The following ADAM21 variants were observed in gnomAD, a reference collection of about 807,000 sequenced individuals.
ADAM21 encodes ADAM metallopeptidase domain 21, also known as disintegrin and metalloproteinase domain-containing protein 21.
For synonymous variants in ADAM21, 262 were observed against 306.0 expected, an observed-to-expected ratio of 0.86 and a Z score of 1.50; for missense variants, 678 against 874.4, an observed-to-expected ratio of 0.78 and a Z score of 2.83.
chr14:70,456,971 G>C (rs547763984), intron 1 of ADAM21, among the ~76,000 whole-genome samples: 1 of 152,286 alleles, frequency 6.6e-6, no homozygotes, highest in Non-Finnish European at 1.5e-5. Context: ...CTCCAGTTTT[G>C]ATAGTCAAAG....
chr14:70,452,688 A>T (rs1192228989), intron 1 of ADAM21, among the ~76,000 whole-genome samples: 1 of 152,282 alleles, frequency 6.6e-6, no homozygotes, highest in East Asian at 1.9e-4. Context: ...TAAAGATATG[A>T]GTGACTTGAG....
Position 70,457,434 on chromosome 14 carries a change from C to A in ADAM21, c.-66C>A, listed in dbSNP as rs1882431524. 4 of 1,600,042 alleles carry A rather than the reference C, an allele frequency of 2.5e-6. No individual in the cohort carries two copies. The South Asian group carries it at 4.5e-5, about 18-fold the overall frequency. ...GAGCAGCTTAGAGGGAGAAGCCAGACCAGCAGTGCCTCACACCTTGTCCTC... is the reference window on the plus strand; with the variant it reads ...GAGCAGCTTAGAGGGAGAAGCCAGAACAGCAGTGCCTCACACCTTGTCCTC... On this transcript the variant is annotated 5_prime_UTR_variant, in exon 2 of 2. Coordinates refer to ENST00000603540, the MANE Select transcript of ADAM21 (RefSeq NM_003813.4).
At position 70,458,208 on chromosome 14, in the gene ADAM21, C is replaced by T. The variant is rs1395146900; in HGVS notation, c.709C>T (p.Leu237Phe). The change falls in exon 2 of 2, where the codon CTT (leucine) becomes TTT (phenylalanine). Residue 237 changes from leucine to phenylalanine, a missense_variant. Coordinates refer to ENST00000603540, the MANE Select transcript of ADAM21 (RefSeq NM_003813.4). ...NISKVQEDVF[L>F]VVNIVDSMYK... ...CTCAAAGGTGCAAGAGGATGTATTT[C>T]TTGTTGTCAACATAGTGGATTCCAT... 6.2e-7 allele frequency: 1 copy of T among 1,613,892 alleles called. No individual in the cohort carries two copies. Among genetic ancestry groups the T allele is most frequent in the Non-Finnish European group, 8.5e-7 (1 of 1,179,984 alleles).
chr14:70,458,783 T>C lies in ADAM21; in HGVS notation c.1284T>C (p.Cys428=), dbSNP rs755423706. ...EQCDCGSVQQ[C]EQDACCLLNC... ...GTGACTGTGGATCCGTACAGCAGTG[T>C]GAACAAGACGCCTGTTGTCTGTTGA... The change falls in exon 2 of 2, where the codon TGT becomes TGC. Residue 428 remains cysteine, a synonymous_variant. Transcript: ENST00000603540. 9.9e-6 allele frequency: 16 copies of C among 1,614,192 alleles called. No individual in the cohort carries two copies. The highest frequency in any genetic ancestry group is 2.2e-5 in the East Asian group (1 of 44,884).
chr14:70,458,428 C>A lies in ADAM21; in HGVS notation c.929C>A (p.Ala310Asp). 6.2e-7 allele frequency: 1 copy of A among 1,614,120 alleles called. No homozygotes were observed. Among genetic ancestry groups the A allele is most frequent in the South Asian group, 1.1e-5 (1 of 91,078 alleles). Reference sequence around the variant, plus strand: ...TCACTTATAAGTATACTTGGCCTAGCCTATGTTGCAGGAATATGTCGTCCA... The same window carrying A: ...TCACTTATAAGTATACTTGGCCTAGACTATGTTGCAGGAATATGTCGTCCA... ...KNSLISILGL[A>D]YVAGICRPPI... Residue 310 changes from alanine to aspartate, a missense_variant, in exon 2 of 2, where the codon GCC becomes GAC. Transcript: ENST00000603540.
intron 1 of ADAM21, 36 bp downstream of exon 1, chr14:70,452,299 T>C (rs11622815): frequency 0.054 from 8,211 of 152,298 alleles, 281 homozygotes; most frequent in Middle Eastern, 0.11. Context: ...TATGCATAAT[T>C]TGGTATCCAG....
intron 1 of ADAM21, among the ~76,000 whole-genome samples, chr14:70,455,233 C>T (rs1371455842): frequency 6.6e-6 from 1 of 152,110 alleles, no homozygotes; most frequent in East Asian, 1.9e-4. Flanking sequence ...GATTCAAAAT[C>T]CAGGAGATGA....
At chr14:70,455,948 T>C (rs952615821) in intron 1 of ADAM21, among the ~76,000 whole-genome samples, 6 of 152,200 alleles carry the variant, frequency 3.9e-5, no homozygotes, top group East Asian at 1.9e-4. Context: ...ATAAAGTCCA[T>C]TGCTGAGCCC....
chr14:70,456,914 C>A (rs1431118801), intron 1 of ADAM21, among the ~76,000 whole-genome samples: 1 of 152,130 alleles, frequency 6.6e-6, no homozygotes, highest in Non-Finnish European at 1.5e-5. Flanking sequence ...TAAAGTATAT[C>A]ATAAGACTGA....
rs1400518378 is a variant in ADAM21 at position 70,458,322 on chromosome 14, G to A, written c.823G>A (p.Val275Ile). The change falls in exon 2 of 2, where the codon GTC (valine) becomes ATC (isoleucine). Residue 275 changes from valine to isoleucine, a missense_variant. Physicochemically the swap from Val to Ile is conservative, Grantham distance 29. Coordinates refer to ENST00000603540, the MANE Select transcript of ADAM21 (RefSeq NM_003813.4). ...TTTCCCAATGACAAGCATAGAACAG[G>A]TCCTGAACGATTTCTCTCAATGGAA... ...NVFPMTSIEQ[V>I]LNDFSQWKQI... The A allele has an allele frequency of 1.2e-6, 2 of 1,613,930 alleles. No individual in the cohort carries two copies. The highest frequency in any genetic ancestry group is 1.7e-6 in the Non-Finnish European group (2 of 1,180,040).
chr14:70,459,745 G>A lies in ADAM21; in HGVS notation c.*77G>A. The A allele has an allele frequency of 1.3e-6, 2 of 1,510,792 alleles. No homozygotes were observed. The highest frequency in any genetic ancestry group is 8.9e-7 in the Non-Finnish European group (1 of 1,118,646). The allele number at this position is 1,510,792 out of a possible 1,614,324, so 93.6% of individuals were successfully genotyped here. A position where few individuals can be genotyped will look rare whatever the true frequency, so the allele number is the denominator to read the frequency against. ...GCAGTAGAAACATTAGTACATCCCT[G>A]AAACTGAGCACATTTCTGACCATTT... On this transcript the variant is annotated 3_prime_UTR_variant, in exon 2 of 2. Transcript: ENST00000603540.
At chr14:70,457,220 C>T in intron 1 of ADAM21, 129 bp from the exon 2 acceptor site, 1 of 374,314 alleles carries the variant, frequency 2.7e-6, no homozygotes, top group Non-Finnish European at 4.9e-6. Flanking sequence ...AATCCCCACC[C>T]TCATTTACTA....
chr14:70,452,661 C>T (rs531154639), intron 1 of ADAM21, among the ~76,000 whole-genome samples: 9 of 152,292 alleles, frequency 5.9e-5, no homozygotes, highest in Non-Finnish European at 1.0e-4. Context: ...CCACCGCGCC[C>T]GGCGTGTTTT....
rs141927799 is a variant in ADAM21 at position 70,458,385 on chromosome 14, C to T, written c.886C>T (p.His296Tyr). Residue 296 changes from histidine to tyrosine, a missense_variant, in exon 2 of 2, where the codon CAT becomes TAT. His to Tyr is a moderately conservative substitution (Grantham distance 83, BLOSUM62 2). Transcript: ENST00000603540. Reference protein sequence around the residue: ...SLSQLQHDAAHMFIKNSLISI... With the variant: ...SLSQLQHDAAYMFIKNSLISI... ...TTCCCAGCTACAGCATGATGCTGCA[C>T]ATATGTTCATAAAAAATTCACTTAT... 1,564 of 1,614,190 alleles carry T rather than the reference C, an allele frequency of 9.7e-4. 19 individuals carry two copies. In the East Asian group the frequency reaches 0.017, roughly 18 times the overall value.
Position 70,457,395 on chromosome 14 carries a change from C to T in ADAM21, c.-105C>T. The T allele has an allele frequency of 6.5e-7, 1 of 1,548,900 alleles. No individual in the cohort carries two copies. The highest frequency in any genetic ancestry group is 8.8e-7 in the Non-Finnish European group (1 of 1,134,486). On this transcript the variant is annotated 5_prime_UTR_variant, in exon 2 of 2. Coordinates refer to ENST00000603540, the MANE Select transcript of ADAM21 (RefSeq NM_003813.4). Reference sequence around the variant, plus strand: ...CTGCCAGGACACAGATCCACAGGGTCAGCCCTGCATCCTGAGCAGCTTAGA... The same window carrying T: ...CTGCCAGGACACAGATCCACAGGGTTAGCCCTGCATCCTGAGCAGCTTAGA...
Position 70,458,960 on chromosome 14 carries a change from T to C in ADAM21, c.1461T>C (p.Asp487=), listed in dbSNP as rs771006647. The change falls in exon 2 of 2, where the codon GAT becomes GAC. Residue 487 remains aspartate (D), a synonymous_variant. Coordinates refer to ENST00000603540, the MANE Select transcript of ADAM21 (RefSeq NM_003813.4). ...CNGTSHQCPE[D]RYVQDGIPCS... ...GAACATCTCATCAGTGTCCAGAAGATAGATATGTGCAGGACGGGATCCCCT... is the reference window on the plus strand; with the variant it reads ...GAACATCTCATCAGTGTCCAGAAGACAGATATGTGCAGGACGGGATCCCCT... The C allele has an allele frequency of 3.7e-6, 6 of 1,614,018 alleles. No individual in the cohort carries two copies. Among genetic ancestry groups the C allele is most frequent in the South Asian group, 2.2e-5 (2 of 91,076 alleles).
At chr14:70,452,559 G>A (rs1327165273) in intron 1 of ADAM21, among the ~76,000 whole-genome samples, 2 of 152,090 alleles carry the variant, frequency 1.3e-5, no homozygotes, top group Non-Finnish European at 2.9e-5. Context: ...GTAGAAACGG[G>A]GTTTCACCAT....
intron 1 of ADAM21, among the ~76,000 whole-genome samples, chr14:70,455,898 A>G (rs1882393924): frequency 2.6e-5 from 4 of 152,186 alleles, no homozygotes. Flanking sequence ...TTTTTCTTGT[A>G]TAGTGACTAA....
rs1486339071 is a variant in ADAM21 at position 70,458,302 on chromosome 14, C to T, written c.803C>T (p.Pro268Leu). The change falls in exon 2 of 2, where the codon CCA (proline) becomes CTA (leucine). Residue 268 changes from proline to leucine, a missense_variant. Physicochemically the swap from Pro to Leu is moderately conservative, Grantham distance 98 (BLOSUM62 -3). Coordinates refer to ENST00000603540, the MANE Select transcript of ADAM21 (RefSeq NM_003813.4). ...IEIWNQGNVF[P>L]MTSIEQVLND... ...ATTTGGAATCAAGGAAATGTTTTCC[C>T]AATGACAAGCATAGAACAGGTCCTG... 2.5e-6 allele frequency: 4 copies of T among 1,613,992 alleles called. No homozygotes were observed. Among genetic ancestry groups the T allele is most frequent in the Non-Finnish European group, 2.5e-6 (3 of 1,180,030 alleles).
Sources: gnomAD v4.1 joint callset for allele counts (sites outside exome capture counted in the v4.1 genomes callset) on GRCh38, gnomAD v4.1.1 for gene constraint, MANE v1.5 for transcripts, NCBI Gene and HGNC (gene_info 2026-07-23, HGNC 2026-07-21) for gene names.